Variants in SGK3 observed in about 807,000 individuals in gnomAD.
SGK3 encodes the protein serine/threonine-protein kinase Sgk3.
Under a neutral mutation model 68.5 loss-of-function variants are expected in SGK3, and 47 were observed. That is an observed-to-expected ratio of 0.69 (90% CI 0.54 to 0.87). The LOEUF (loss-of-function observed/expected upper bound fraction) is 0.87, where lower values mean the gene tolerates loss of function less well. SGK3 is among the 40% of genes least tolerant of loss of function. The pLI, the probability that SGK3 is intolerant of heterozygous loss-of-function variation, is 0.00. For missense variants in SGK3, 479 were observed against 575.5 expected, an observed-to-expected ratio of 0.83 and a Z score of 1.72; for synonymous variants, 181 against 189.1, an observed-to-expected ratio of 0.96 and a Z score of 0.35.
At chr8:66,808,361 CAAA>C (rs1417930290) in intron 4 of SGK3, among the ~76,000 whole-genome samples, 1 of 152,064 alleles carries the variant, frequency 6.6e-6, no homozygotes, top group Admixed American at 6.5e-5. Flanking sequence ...AGGATAAAAA[CAAA>C]AACCCATGGA....
intron 1 of SGK3, among the ~76,000 whole-genome samples, chr8:66,723,127 ATATATTTTTTTT>A (rs1282934552): frequency 2.0e-5 from 1 of 49,392 alleles, no homozygotes; most frequent in African/African-American, 8.6e-5. Context: ...ATATATATAT[ATATATTTTTTTT>A]TTTTTTTTTT....
At chr8:66,755,207 C>T (rs1427407891) in intron 1 of SGK3, among the ~76,000 whole-genome samples, 5 of 146,372 alleles carry the variant, frequency 3.4e-5, no homozygotes, top group African/African-American at 7.8e-5. Flanking sequence ...TGCAGTGAGC[C>T]GAGATCACAC....
At chr8:66,810,889 A>G (rs928313267) in intron 4 of SGK3, among the ~76,000 whole-genome samples, 3 of 152,160 alleles carry the variant, frequency 2.0e-5, no homozygotes, top group African/African-American at 7.2e-5. Context: ...GCCAATCTCT[A>G]TAAGATACAT....
At chr8:66,768,341 T>C (rs1037054069) in intron 1 of SGK3, among the ~76,000 whole-genome samples, 1 of 152,138 alleles carries the variant, frequency 6.6e-6, no homozygotes. Context: ...TCCAGAAATC[T>C]GGAATAACTT....
intron 1 of SGK3, among the ~76,000 whole-genome samples, chr8:66,729,418 T>C (rs1420508327): frequency 2.6e-5 from 4 of 151,758 alleles, no homozygotes; most frequent in Non-Finnish European, 1.5e-5. Context: ...ATCGCGCCAC[T>C]GCACTCCAGT....
intron 1 of SGK3, among the ~76,000 whole-genome samples, chr8:66,736,494 G>A (rs75767323): frequency 0.028 from 4,243 of 152,082 alleles, 191 homozygotes; most frequent in African/African-American, 0.096. Context: ...GTCTTGCTCT[G>A]TTGCCCAGGC....
rs183707468 is a variant in SGK3 at position 66,815,267 on chromosome 8, T to C, written c.329+1339T>C. Reference sequence around the variant, plus strand: ...TGACAAGGTCTTCTGGTCAGAGATATGGATTTCCCCTGATGCTCCCAGGTA... The same window carrying C: ...TGACAAGGTCTTCTGGTCAGAGATACGGATTTCCCCTGATGCTCCCAGGTA... On this transcript the variant is annotated intron_variant, in intron 5 of 16. Transcript: ENST00000521198. Among the ~76,000 whole-genome samples the C allele has an allele frequency of 3.3e-5, 5 of 152,294 alleles. No individual in the cohort carries two copies. In the East Asian group the frequency reaches 9.6e-4, roughly 29 times the overall value.
intron 16 of SGK3, among the ~76,000 whole-genome samples, chr8:66,857,842 T>TGTGTGTGTGGG: frequency 7.0e-6 from 1 of 143,468 alleles, no homozygotes; most frequent in Non-Finnish European, 1.5e-5. Context: ...TGTGTGTGTG[T>TGTGTGTGTGGG]AGGAAAGGTA....
At chr8:66,854,522 G>A (rs926070051) in intron 16 of SGK3, among the ~76,000 whole-genome samples, 1 of 152,144 alleles carries the variant, frequency 6.6e-6, no homozygotes, top group Admixed American at 6.5e-5. Flanking sequence ...TCTGGACCTG[G>A]GGGGAGGCTG....
Position 66,793,826 on chromosome 8 carries a change from G to T in SGK3, c.90G>T (p.Arg30Ser). The change falls in exon 2 of 17, where the codon AGG becomes AGT. Residue 30 changes from arginine (R) to serine (S), a missense_variant. Physicochemically the swap from Arg to Ser is moderately radical, Grantham distance 110. This residue lies in a region of SGK3 where 298 missense variants were observed against 329.4 expected (regional missense o/e 0.90). Transcript: ENST00000521198. Reference protein sequence around the residue: ...SSDEHREKKKRFTVYKVLVSV... With the variant: ...SSDEHREKKKSFTVYKVLVSV... ...ATGAACACAGAGAGAAAAAGAAGAGGTTTACTGTAAGTATTTAACATAAAG... is the reference window on the plus strand; with the variant it reads ...ATGAACACAGAGAGAAAAAGAAGAGTTTTACTGTAAGTATTTAACATAAAG... 6.2e-7 allele frequency: 1 copy of T among 1,611,810 alleles called. No individual in the cohort carries two copies. Among genetic ancestry groups the T allele is most frequent in the Non-Finnish European group, 8.5e-7 (1 of 1,178,698 alleles).
At chr8:66,726,241 G>A (rs906475529) in intron 1 of SGK3, among the ~76,000 whole-genome samples, 2 of 152,076 alleles carry the variant, frequency 1.3e-5, no homozygotes, top group East Asian at 1.9e-4. Context: ...TCATAATAAC[G>A]CTGTGGGATG....
At chr8:66,717,283 A>G (rs1161894860) in intron 1 of SGK3, among the ~76,000 whole-genome samples, 1 of 151,482 alleles carries the variant, frequency 6.6e-6, no homozygotes, top group Non-Finnish European at 1.5e-5. Context: ...TAATCCCAGC[A>G]TTTTGGGAGG....
chr8:66,833,913 A>C (rs191455925), intron 8 of SGK3, among the ~76,000 whole-genome samples: 2 of 151,640 alleles, frequency 1.3e-5, no homozygotes, highest in East Asian at 3.9e-4. Flanking sequence ...CTGGTCTCGA[A>C]CTCCCGACGT....
At position 66,800,725 on chromosome 8, in the gene SGK3, A is replaced by C. The variant is rs190474114; in HGVS notation, c.180+2100A>C. Among the ~76,000 whole-genome samples the C allele has an allele frequency of 2.9e-3, 442 of 152,312 alleles. 3 individuals are homozygous for C. Among genetic ancestry groups the C allele is most frequent in the African/African-American group, 0.01 (430 of 41,576 alleles). ...GTTCCTAATATTCAAATCACTTGCT[A>C]CTTGAAATTGAATTTCTGAAGATAA... On this transcript the variant is annotated intron_variant, in intron 3 of 16. Transcript: ENST00000521198.
At chr8:66,758,830 T>A (rs1806065478) in intron 1 of SGK3, among the ~76,000 whole-genome samples, 1 of 151,718 alleles carries the variant, frequency 6.6e-6, no homozygotes, top group South Asian at 2.1e-4. Context: ...ATCAATACAT[T>A]TTTATGCTCA....
intron 1 of SGK3, among the ~76,000 whole-genome samples, chr8:66,723,107 ATATATATATATATATATATATATATT>A (rs1304817965): frequency 2.6e-4 from 10 of 39,182 alleles, no homozygotes; most frequent in East Asian, 1.5e-3. Flanking sequence ...ATATATATAT[ATATATATATATATATATATATATATT>A]TTTTTTTTTT....
chr8:66,726,786 G>A (rs1804995308), intron 1 of SGK3, among the ~76,000 whole-genome samples: 1 of 111,584 alleles, frequency 9.0e-6, no homozygotes, highest in Non-Finnish European at 1.6e-5. Flanking sequence ...GAATGACAGA[G>A]CAAGACCCTG....
intron 4 of SGK3, among the ~76,000 whole-genome samples, chr8:66,807,966 A>C (rs973989566): frequency 1.3e-4 from 20 of 152,200 alleles, no homozygotes; most frequent in Non-Finnish European, 1.3e-4. Context: ...GATCTCCAGA[A>C]TATACCATTA....
chr8:66,736,253 A>G (rs1805311677), intron 1 of SGK3, among the ~76,000 whole-genome samples: 1 of 152,216 alleles, frequency 6.6e-6, no homozygotes, highest in African/African-American at 2.4e-5. Context: ...TGCAGATTAA[A>G]AATATTTTTA....
Sources: gnomAD v4.1 joint callset for allele counts (sites outside exome capture counted in the v4.1 genomes callset) on GRCh38, gnomAD v4.1.1 for gene constraint, gnomAD v4.1.1 regional missense constraint, MANE v1.5 for transcripts, NCBI Gene and HGNC (gene_info 2026-07-23, HGNC 2026-07-21) for gene names.